Variants in CCT8 observed in about 807,000 individuals in gnomAD.
The protein encoded by CCT8 is chaperonin containing TCP1 subunit 8, also known as T-complex protein 1 subunit theta.
In CCT8, 10 loss-of-function variants were observed where a neutral mutation model predicts 65.7. The observed-to-expected ratio is 0.15, with a 90% CI of 0.09 to 0.26. CCT8 has a LOEUF of 0.26. CCT8 is among the 10% of genes least tolerant of loss of function. CCT8 has a pLI of 1.00. For missense variants in CCT8, 568 were observed against 669.1 expected (o/e 0.85, Z 1.67); for synonymous variants, 199 against 221.8 (o/e 0.90, Z 0.92).
chr21:29,066,101 A>T (rs2085619379), intron 6 of CCT8, among the ~76,000 whole-genome samples: 1 of 135,890 alleles, frequency 7.4e-6, no homozygotes, highest in Non-Finnish European at 1.6e-5. Context: ...AAAAAAAAAA[A>T]TTTAGTATTT....
Position 29,073,615 on chromosome 21 carries a change from C to T in CCT8, c.-25G>A. 2.5e-6 allele frequency: 4 copies of T among 1,611,940 alleles called. No homozygotes were observed. The highest frequency in any genetic ancestry group is 3.4e-6 in the Non-Finnish European group (4 of 1,178,436). On this transcript the variant is annotated 5_prime_UTR_variant, in exon 1 of 15. It adds an upstream start codon to the 5' untranslated region. Coordinates refer to ENST00000286788, the MANE Select transcript of CCT8 (RefSeq NM_006585.4). ...TGGCCAGCCTGCAGGAAGCAGTTCA[C>T]GCGACCGCTCGGAAGACCGCGGAGG...
chr21:29,061,050 C>T (rs532230187), intron 13 of CCT8, among the ~76,000 whole-genome samples: 20 of 152,186 alleles, frequency 1.3e-4, no homozygotes, highest in Non-Finnish European at 2.2e-4. Context: ...GGGCTGACTA[C>T]ACACTACAGA....
chr21:29,059,486 A>C (rs537721184), intron 14 of CCT8: 1 of 152,184 alleles, frequency 6.6e-6, no homozygotes. Context: ...TTCCTAACAC[A>C]GTTGGAATTT....
At chr21:29,071,380 T>C (rs1002807095) in intron 1 of CCT8, among the ~76,000 whole-genome samples, 3 of 152,062 alleles carry the variant, frequency 2.0e-5, no homozygotes, top group Admixed American at 6.5e-5. Flanking sequence ...CCAAGGTTAA[T>C]AGCCATTACT....
intron 14 of CCT8, among the ~76,000 whole-genome samples, chr21:29,057,166 CT>C (rs10708433): frequency 0.2 from 27,104 of 138,882 alleles, 2,238 homozygotes; most frequent in Non-Finnish European, 0.24. Flanking sequence ...TAGGTTTTAG[CT>C]TTTTTTTTTT....
intron 6 of CCT8, among the ~76,000 whole-genome samples, chr21:29,065,500 G>C (rs1302121185): frequency 6.6e-6 from 1 of 152,188 alleles, no homozygotes; most frequent in Non-Finnish European, 1.5e-5. Flanking sequence ...GCAGTACGTG[G>C]AGGGAGACAG....
intron 14 of CCT8, among the ~76,000 whole-genome samples, chr21:29,059,086 G>A (rs1030759590): frequency 3.3e-5 from 5 of 152,132 alleles, no homozygotes; most frequent in African/African-American, 4.8e-5. Context: ...GCTGAGAACT[G>A]TCATTCTAAC....
intron 7 of CCT8, 73 bp downstream of exon 7, chr21:29,064,895 G>T: frequency 7.5e-7 from 1 of 1,330,322 alleles, no homozygotes; most frequent in Non-Finnish European, 1.1e-6. Flanking sequence ...AGTACTTACT[G>T]GTTTAAGAGC....
chr21:29,065,811 G>A (rs76317943), intron 6 of CCT8, among the ~76,000 whole-genome samples: 1,746 of 152,270 alleles, frequency 0.011, 16 homozygotes, highest in Non-Finnish European at 0.018. Flanking sequence ...CGCTGGGCGC[G>A]GTGGCTCACA....
At position 29,060,648 on chromosome 21, in the gene CCT8, C is replaced by T. The variant is rs777765348; in HGVS notation, c.1462G>A (p.Ala488Thr). 11 of 1,613,190 alleles carry T rather than the reference C, an allele frequency of 6.8e-6. No homozygotes were observed. The East Asian group carries it at 2.0e-4, about 29-fold the overall frequency. Reference protein sequence around the residue: ...VGLDIEAEVPAVKDMLEAGIL... With the variant: ...VGLDIEAEVPTVKDMLEAGIL... ...CCAGCTTCCAGCATGTCCTTTACAGCAGGGACTTCAGCCTGTCAAACACAA... is the reference window on the plus strand; with the variant it reads ...CCAGCTTCCAGCATGTCCTTTACAGTAGGGACTTCAGCCTGTCAAACACAA... The change falls in exon 14 of 15, where the codon GCT (alanine) becomes ACT (threonine). Residue 488 changes from alanine to threonine, a missense_variant. Physicochemically the swap from Ala to Thr is moderately conservative, Grantham distance 58 (BLOSUM62 0). Coordinates refer to ENST00000286788, the MANE Select transcript of CCT8 (RefSeq NM_006585.4).
At chr21:29,061,805 G>GT (rs2146426014) in intron 11 of CCT8, among the ~76,000 whole-genome samples, 1 of 152,284 alleles carries the variant, frequency 6.6e-6, no homozygotes, top group Non-Finnish European at 1.5e-5. Context: ...GAATAGTACC[G>GT]TATCATTTTT....
In CCT8 at chr21:29,064,899, TAAGAGCTAACTCAAACA is replaced by T. The variant is rs2085604694; in HGVS notation, c.762+52_762+68del. The T allele has an allele frequency of 2.9e-6, 4 of 1,391,004 alleles. No homozygotes were observed. In the South Asian group the frequency reaches 4.9e-5, roughly 17 times the overall value. The allele number at this position is 1,391,004 out of a possible 1,614,324, so 86.2% of individuals were successfully genotyped here. A position where few individuals can be genotyped will look rare whatever the true frequency, so the allele number is the denominator to read the frequency against. The stretch of plus-strand genomic sequence containing the variant: ...GTTTTTTAAGAAGTACTTACTGGTT[TAAGAGCTAACTCAAACA>T]ATCTGAAAGTGCAACCCCAATTATT... On this transcript the variant is annotated intron_variant, in intron 7 of 14. Transcript: ENST00000286788.
At chr21:29,071,970 T>C (rs2085685317) in intron 1 of CCT8, 1 of 702,270 alleles carries the variant, frequency 1.4e-6, no homozygotes, top group Admixed American at 2.0e-5. Context: ...CTTTCTTTGG[T>C]AAGCTTCAGC....
intron 2 of CCT8, 87 bp downstream of exon 2, chr21:29,070,160 C>T (rs2183570): frequency 0.89 from 645,493 of 728,806 alleles, 287,212 homozygotes; most frequent in African/African-American, 0.97. Context: ...GAAGTCATAC[C>T]ATAACATCCT....
rs555255537 is a variant in CCT8, at chr21:29,063,360, C to T, written c.933G>A (p.Met311Ile). The change falls in exon 8 of 15, where the codon ATG (methionine) becomes ATA (isoleucine). Residue 311 changes from methionine (M) to isoleucine (I), a missense_variant. Met to Ile is a conservative substitution (Grantham distance 10). Coordinates refer to ENST00000286788, the MANE Select transcript of CCT8 (RefSeq NM_006585.4). Reference protein sequence around the residue: ...ALHYANKYNIMLVRLNSKWDL... With the variant: ...ALHYANKYNIILVRLNSKWDL... The stretch of plus-strand genomic sequence containing the variant: ...AATCGGCTTTTTCTTACCTCACTAA[C>T]ATGATATTATATTTATTTGCATAAT... The T allele has an allele frequency of 6.2e-7, 1 of 1,610,730 alleles. No individual in the cohort carries two copies. Among genetic ancestry groups the T allele is most frequent in the South Asian group, 1.1e-5 (1 of 90,380 alleles).
intron 7 of CCT8, among the ~76,000 whole-genome samples, chr21:29,064,373 C>T (rs2085596495): frequency 1.6e-5 from 2 of 126,778 alleles, no homozygotes; most frequent in Admixed American, 9.6e-5. Context: ...CAAGATTGTA[C>T]CACTGGACTC....
At chr21:29,057,769 A>G (rs1417583517) in intron 14 of CCT8, among the ~76,000 whole-genome samples, 3 of 112,820 alleles carry the variant, frequency 2.7e-5, no homozygotes, top group Admixed American at 2.6e-4. Flanking sequence ...TATGAGATAT[A>G]TATGATATAT....
chr21:29,069,315 G>A (rs2085657122), intron 3 of CCT8, 108 bp downstream of exon 3: 2 of 561,648 alleles, frequency 3.6e-6, no homozygotes, highest in South Asian at 3.0e-5. Context: ...TTTCAAGCTG[G>A]AAAAATAGTC....
chr21:29,065,698 A>G (rs903707801), intron 6 of CCT8, among the ~76,000 whole-genome samples: 1 of 152,256 alleles, frequency 6.6e-6, no homozygotes. Context: ...TGTGAATTCT[A>G]TTATTGAAGA....
Sources: allele counts gnomAD v4.1 joint callset (sites outside exome capture counted in the v4.1 genomes callset), GRCh38; gene constraint gnomAD v4.1.1; transcripts MANE v1.5; gene names NCBI Gene and HGNC (gene_info 2026-07-23, HGNC 2026-07-21).